Variants in WDR44 observed in about 807,000 individuals in gnomAD.
WDR44 encodes the protein WD repeat-containing protein 44.
Under a neutral mutation model 65.7 loss-of-function variants are expected in WDR44, and 9 were observed. That is an observed-to-expected ratio of 0.14 (90% CI 0.08 to 0.24). The LOEUF (loss-of-function observed/expected upper bound fraction) is 0.24, where lower values mean the gene tolerates loss of function less well. WDR44 is among the 10% of genes least tolerant of loss of function. WDR44 has a pLI of 1.00. For missense variants in WDR44, 425 were observed against 670.9 expected (o/e 0.63, Z 4.05); for synonymous variants, 220 against 235.2 (o/e 0.94, Z 0.59).
chrX:118,397,208 T>C, intron 7 of WDR44, 102 bp downstream of exon 7: 1 of 721,431 alleles, frequency 1.4e-6, no homozygotes, highest in Non-Finnish European at 1.9e-6. Flanking sequence ...TCATTCAGTC[T>C]TTTTTCTTCT....
chrX:118,416,163 T>G (rs746017218), intron 12 of WDR44, among the ~76,000 whole-genome samples: 85 of 112,295 alleles, frequency 7.6e-4, no homozygotes, highest in African/African-American at 2.6e-3. Flanking sequence ...TTGTATTTTT[T>G]GTTTGTTTCA....
intron 1 of WDR44, among the ~76,000 whole-genome samples, chrX:118,361,243 ATG>A (rs2056508634): frequency 9.0e-6 from 1 of 111,609 alleles, no homozygotes; most frequent in Non-Finnish European, 1.9e-5. Flanking sequence ...CAGGTGGCAA[ATG>A]TAAGTTTAGT....
Position 118,443,377 on chromosome X carries a change from CCAGGCCACTACAT to C in WDR44, c.2385-180_2385-168del, listed in dbSNP as rs760520183. ...TAGAGCTTTGATGCAAATACAAGTG[CCAGGCCACTACAT>C]CACACGTACACATTTAGAACATCTA... On this transcript the variant is annotated intron_variant, in intron 17 of 19. Transcript: ENST00000254029. 5.4e-5 allele frequency among the ~76,000 whole-genome samples: 6 copies of C among 111,898 alleles called. No homozygotes were observed. The South Asian group carries it at 2.2e-3, about 42-fold the overall frequency.
intron 14 of WDR44, 87 bp from the exon 15 acceptor site, chrX:118,441,281 A>G (rs2057304271): frequency 3.3e-6 from 3 of 908,780 alleles, no homozygotes; most frequent in Non-Finnish European, 4.6e-6. Flanking sequence ...TTTTTAAACT[A>G]TTCTAATAGA....
chrX:118,391,019 C>T, intron 3 of WDR44, among the ~76,000 whole-genome samples: 1 of 111,891 alleles, frequency 8.9e-6, no homozygotes, highest in Non-Finnish European at 1.9e-5. Context: ...ACCCAAAGGC[C>T]TGTATGACAA....
At chrX:118,359,302 C>T (rs2056492117) in intron 1 of WDR44, among the ~76,000 whole-genome samples, 1 of 112,080 alleles carries the variant, frequency 8.9e-6, no homozygotes, top group Non-Finnish European at 1.9e-5. Context: ...CCTACTTTAA[C>T]AAATTGGGAC....
intron 18 of WDR44, 47 bp downstream of exon 18, chrX:118,443,734 C>T: frequency 8.7e-7 from 1 of 1,147,189 alleles, no homozygotes; most frequent in Non-Finnish European, 1.2e-6. Context: ...AATCAAGTTA[C>T]AGTGGATATA....
At chrX:118,435,261 T>C (rs771434750) in intron 13 of WDR44, among the ~76,000 whole-genome samples, 36 of 111,881 alleles carry the variant, frequency 3.2e-4, no homozygotes, top group Middle Eastern at 9.2e-3. Flanking sequence ...AGTCAGTTTC[T>C]GTTTTTTGTT....
At chrX:118,371,014 G>A (rs1204263828) in intron 1 of WDR44, among the ~76,000 whole-genome samples, 1 of 111,138 alleles carries the variant, frequency 9.0e-6, no homozygotes, top group Non-Finnish European at 1.9e-5. Context: ...AAACAACTCA[G>A]TAGCCAGAAA....
rs1214126337 is a variant in WDR44, at chrX:118,440,949, C to CTTTT, written c.1975-393_1975-390dup. 1.7e-3 allele frequency among the ~76,000 whole-genome samples: 84 copies of CTTTT among 50,356 alleles called. 8 individuals carry two copies. Among genetic ancestry groups the CTTTT allele is most frequent in the East Asian group, 7.2e-3 (9 of 1,250 alleles). The allele number at this position is 50,356 out of a possible 115,157, so 43.7% of individuals were successfully genotyped here. On this transcript the variant is annotated intron_variant, in intron 14 of 19. Coordinates refer to ENST00000254029, the MANE Select transcript of WDR44 (RefSeq NM_019045.5). Reference sequence around the variant, plus strand: ...AAGAATAAAAATTTTTAAATGAAATCTTTTTTTTTTTTTTTTTTTTTTTTT... The same window carrying CTTTT: ...AAGAATAAAAATTTTTAAATGAAATCTTTTTTTTTTTTTTTTTTTTTTTTTTTTT...
At chrX:118,370,889 CT>C (rs965239416) in intron 1 of WDR44, among the ~76,000 whole-genome samples, 1,807 of 101,856 alleles carry the variant, frequency 0.018, 19 homozygotes, top group African/African-American at 0.047. Context: ...GCCTAAACCT[CT>C]TTTTTTTTTT....
At chrX:118,358,615 G>T (rs1010009342) in intron 1 of WDR44, among the ~76,000 whole-genome samples, 6 of 111,661 alleles carry the variant, frequency 5.4e-5, no homozygotes, top group African/African-American at 2.0e-4. Flanking sequence ...TGAGGCAGGG[G>T]AATCGCTTGA....
At chrX:118,356,846 C>CTTT (rs774889869) in intron 1 of WDR44, among the ~76,000 whole-genome samples, 1 of 90,102 alleles carries the variant, frequency 1.1e-5, no homozygotes, top group Non-Finnish European at 2.2e-5. Flanking sequence ...ATATTTCTTT[C>CTTT]TTTTTTTTTT....
At chrX:118,380,688 A>G (rs550575079) in intron 2 of WDR44, among the ~76,000 whole-genome samples, 6 of 112,040 alleles carry the variant, frequency 5.4e-5, no homozygotes, top group Middle Eastern at 4.6e-3. Context: ...TTACAGTCTG[A>G]TGGAAGAGAC....
chrX:118,431,803 T>C (rs1342860204), intron 12 of WDR44, among the ~76,000 whole-genome samples: 6 of 112,253 alleles, frequency 5.3e-5, no homozygotes, highest in Middle Eastern at 9.2e-3. Context: ...AGATGACTTG[T>C]ATTACTGCTT....
rs1248530849 is a variant in WDR44, at chrX:118,389,718, CAAAAAAAAAA to C, written c.186+2315_186+2324del. Among the ~76,000 whole-genome samples the C allele has an allele frequency of 1.2e-4, 4 of 34,537 alleles. No homozygotes were observed. The Admixed American group carries it at 1.2e-3, about 10-fold the overall frequency. 30.0% of individuals were successfully genotyped at this position (34,537 alleles called of 115,157 possible). On this transcript the variant is annotated intron_variant, in intron 3 of 19. Transcript: ENST00000254029. ...CTGGTGACAGAGCTAGACTCCCTCT[CAAAAAAAAAA>C]AAAAAAAAAAGGATTTGGCCAGGCT...
chrX:118,366,247 GT>G (rs1214428216), intron 1 of WDR44, among the ~76,000 whole-genome samples: 8 of 111,396 alleles, frequency 7.2e-5, no homozygotes, highest in Non-Finnish European at 1.5e-4. Context: ...CTTTATATTT[GT>G]TGTGCTTGTT....
At chrX:118,423,411 C>T (rs1383398626) in intron 12 of WDR44, among the ~76,000 whole-genome samples, 1 of 111,978 alleles carries the variant, frequency 8.9e-6, no homozygotes, top group Non-Finnish European at 1.9e-5. Context: ...TCAGGTGATC[C>T]ACCCGCCTTG....
chrX:118,352,346 A>ATTTTTTT (rs2056418564), intron 1 of WDR44, among the ~76,000 whole-genome samples: 1 of 22,763 alleles, frequency 4.4e-5, no homozygotes, highest in Non-Finnish European at 5.9e-5. Flanking sequence ...ATATATATAT[A>ATTTTTTT]TATATATTTT....
Sources: gnomAD v4.1 joint callset for allele counts (sites outside exome capture counted in the v4.1 genomes callset) on GRCh38, gnomAD v4.1.1 for gene constraint, MANE v1.5 for transcripts, NCBI Gene and HGNC (gene_info 2026-07-23, HGNC 2026-07-21) for gene names.